The following PLCH2 variants were observed in gnomAD, a reference collection of about 807,000 sequenced individuals.
The protein encoded by PLCH2 is 1-phosphatidylinositol 4,5-bisphosphate phosphodiesterase eta-2.
A neutral mutation model predicts 134.7 loss-of-function variants in PLCH2; 98 were observed. The observed-to-expected ratio is 0.73, with a 90% confidence interval of 0.62 to 0.86. The LOEUF (loss-of-function observed/expected upper bound fraction) is 0.86, where lower values mean the gene tolerates loss of function less well. PLCH2 is among the 40% of genes least tolerant of loss of function. PLCH2 has a pLI of 0.00. For synonymous variants in PLCH2, 974 were observed against 827.5 expected (o/e 1.18, Z -3.04); for missense variants, 1,994 against 1,986.6 (o/e 1.00, Z -0.07).
At chr1:2,426,900 G>A (rs1365993569) in intron 1 of PLCH2, among the ~76,000 whole-genome samples, 4 of 152,348 alleles carry the variant, frequency 2.6e-5, no homozygotes, top group Admixed American at 2.0e-4. Context: ...GGGGCCTTAG[G>A]TCTGTGTTCC....
intron 2 of PLCH2, among the ~76,000 whole-genome samples, chr1:2,459,474 T>TCCTTGCCGGTGGTCCTCCTTTCC (rs1557969729): frequency 3.1e-5 from 1 of 31,994 alleles, no homozygotes; most frequent in African/African-American, 1.5e-4. Flanking sequence ...TTCTCCTTCC[T>TCCTTGCCGGTGGTCCTCCTTTCC]GGTGGTCCTC....
At chr1:2,420,305 C>T in the PLCH2 span, among the ~76,000 whole-genome samples, 5 of 152,188 alleles carry the variant, frequency 3.3e-5, no homozygotes, top group Non-Finnish European at 7.3e-5. Context: ...TTTCAGCCCC[C>T]TGCCCTGTGA....
intron 15 of PLCH2, 83 bp from the exon 16 acceptor site, chr1:2,497,419 G>A (rs965988599): frequency 2.2e-5 from 20 of 914,002 alleles, no homozygotes; most frequent in Non-Finnish European, 3.4e-5. Flanking sequence ...GTGCAGGGGA[G>A]GCTAGCGTGT....
chr1:2,425,404 G>A (rs145410031), upstream of PLCH2, among the ~76,000 whole-genome samples: 9 of 152,342 alleles, frequency 5.9e-5, no homozygotes, highest in East Asian at 1.7e-3. Flanking sequence ...TAACTCGGCT[G>A]TTGTGAACAG....
At chr1:2,487,508 T>C in intron 7 of PLCH2, 90 bp from the exon 8 acceptor site, 3 of 1,515,444 alleles carry the variant, frequency 2.0e-6, no homozygotes, top group East Asian at 4.7e-5. Context: ...CACTGAGCAA[T>C]GGGACAGGCC....
chr1:2,446,161 G>A (rs980917108), intron 2 of PLCH2, among the ~76,000 whole-genome samples: 1 of 152,208 alleles, frequency 6.6e-6, no homozygotes, highest in African/African-American at 2.4e-5. Context: ...GCCAGGAAGG[G>A]GTGGCCATTG....
intron 2 of PLCH2, among the ~76,000 whole-genome samples, chr1:2,450,792 G>A (rs1357369422): frequency 7.3e-6 from 1 of 137,060 alleles, no homozygotes; most frequent in Non-Finnish European, 1.6e-5. Flanking sequence ...GACCAGGCGC[G>A]TTCAAGGCCA....
intron 2 of PLCH2, among the ~76,000 whole-genome samples, chr1:2,455,452 C>G (rs1463448536): frequency 6.6e-6 from 1 of 152,156 alleles, no homozygotes; most frequent in Non-Finnish European, 1.5e-5. Flanking sequence ...TGGGAGACAC[C>G]CCTCAGGGAG....
intron 2 of PLCH2, among the ~76,000 whole-genome samples, chr1:2,462,263 CACCCCTCTGCCTGGT>C (rs1640852619): frequency 9.0e-6 from 1 of 111,058 alleles, no homozygotes; most frequent in African/African-American, 3.6e-5. Flanking sequence ...CTCTGCCTGA[CACCCCTCTGCCTGGT>C]ACCCCCTCCA....
At chr1:2,437,859 T>C (rs1479342180) in intron 2 of PLCH2, among the ~76,000 whole-genome samples, 2 of 152,092 alleles carry the variant, frequency 1.3e-5, no homozygotes, top group African/African-American at 4.8e-5. Flanking sequence ...GCACACACAG[T>C]ACATGCACCC....
intron 5 of PLCH2, among the ~76,000 whole-genome samples, chr1:2,485,649 T>G (rs1642245637): frequency 6.7e-6 from 1 of 150,072 alleles, no homozygotes. Flanking sequence ...CTGGGGGTGC[T>G]GCTTAGGGAC....
At chr1:2,495,627 G>A (rs1642844835) in intron 13 of PLCH2, 57 bp downstream of exon 13, 15 of 1,319,160 alleles carry the variant, frequency 1.1e-5, no homozygotes, top group Admixed American at 9.6e-5. Context: ...TGGCCCAACC[G>A]GGCCCTTCTC....
At position 2,467,659 on chromosome 1, in the gene PLCH2, CAAGGTAAGGGGGCAGG is replaced by C; in HGVS notation, c.41_43+13del. On this transcript the variant is annotated splice_donor_variant and splice_donor_5th_base_variant and coding_sequence_variant and intron_variant, in exon 1 of 22. Coordinates refer to the PLCH2 transcript ENST00000449969. LOFTEE classifies it high-confidence loss of function. ...GCCCCCAGGTGGGCTCAGCCAAGAC[CAAGGTAAGGGGGCAGG>C]TGGGATCCCAGAAGGGGGTTGTGAT... 1 of 411,440 alleles carries C rather than the reference CAAGGTAAGGGGGCAGG, an allele frequency of 2.4e-6. No individual in the cohort carries two copies. Among genetic ancestry groups the C allele is most frequent in the Non-Finnish European group, 4.3e-6 (1 of 231,458 alleles). 25.5% of individuals were successfully genotyped at this position (411,440 alleles called of 1,614,324 possible). A position where few individuals can be genotyped will look rare whatever the true frequency, so the allele number is the denominator to read the frequency against.
chr1:2,469,866 G>A (rs762681054), intron 1 of PLCH2, among the ~76,000 whole-genome samples: 4 of 152,210 alleles, frequency 2.6e-5, no homozygotes, highest in Non-Finnish European at 4.4e-5. Context: ...GTCACTCACC[G>A]TGGTGGCCGC....
At chr1:2,480,906 C>T (rs1641929504) in intron 4 of PLCH2, among the ~76,000 whole-genome samples, 1 of 152,262 alleles carries the variant, frequency 6.6e-6, no homozygotes, top group African/African-American at 2.4e-5. Context: ...GTGGTGCTGG[C>T]TGAGCCAGCA....
intron 1 of PLCH2, among the ~76,000 whole-genome samples, chr1:2,468,238 CTG>C (rs905823917): frequency 2.0e-5 from 3 of 152,254 alleles, no homozygotes; most frequent in African/African-American, 7.2e-5. Context: ...TCTGGGGGGC[CTG>C]CAGTTGCTGT....
At chr1:2,431,651 G>A (rs969432061) in intron 2 of PLCH2, among the ~76,000 whole-genome samples, 3 of 152,152 alleles carry the variant, frequency 2.0e-5, no homozygotes, top group Non-Finnish European at 2.9e-5. Flanking sequence ...GGTCCTATAT[G>A]CAGAAACAGT....
In PLCH2 at chr1:2,457,239, C is replaced by A. The variant is rs181851051; in HGVS notation, c.116-21237C>A. Among the ~76,000 whole-genome samples the A allele has an allele frequency of 2.7e-3, 418 of 152,292 alleles. 2 individuals carry two copies. The highest frequency in any genetic ancestry group is 3.2e-3 in the Non-Finnish European group (218 of 68,014). On this transcript the variant is annotated intron_variant, in intron 2 of 3. Coordinates refer to the PLCH2 transcript ENST00000609981. ...TCCATCAGCAAGGACAGGAATGAGG[C>A]CTGGGCCTGCCTGGCCACGCTGGGC... is the stretch of plus-strand genomic sequence containing the variant.
Position 2,498,723 on chromosome 1 carries a change from AC to A in PLCH2, c.2350-16del. On this transcript the variant is annotated intron_variant, in intron 17 of 21. Coordinates refer to ENST00000378486, the MANE Select transcript of PLCH2 (RefSeq NM_014638.4). The surrounding 1 kb of genome is among the most constrained non-coding windows in gnomAD (Gnocchi z 5.4). The stretch of plus-strand genomic sequence containing the variant: ...GGGCATCGCGATGGGCCCTGATGCC[AC>A]CCCCACTCCTGTGTCCCAGATCATC... 6.3e-7 allele frequency: 1 copy of A among 1,594,622 alleles called. No homozygotes were observed. Among genetic ancestry groups the A allele is most frequent in the Non-Finnish European group, 8.6e-7 (1 of 1,169,472 alleles).
Sources: allele counts gnomAD v4.1 joint callset (sites outside exome capture counted in the v4.1 genomes callset), GRCh38; gene constraint gnomAD v4.1.1; non-coding constraint Gnocchi (gnomAD v3.1); transcripts MANE v1.5; gene names NCBI Gene and HGNC (gene_info 2026-07-23, HGNC 2026-07-21).